SDK1: variants seen among roughly 807,000 people sequenced by gnomAD.
SDK1 encodes protein sidekick-1.
In SDK1, 157 loss-of-function variants were observed where a neutral mutation model predicts 245.5. That is an observed-to-expected ratio of 0.64 (90% CI 0.56 to 0.73). The LOEUF (loss-of-function observed/expected upper bound fraction) is 0.73, where lower values mean the gene tolerates loss of function less well. SDK1 is among the 30% of genes least tolerant of loss of function. The pLI is 0.00. For synonymous variants in SDK1, 1,647 were observed against 1,278.5 expected, an observed-to-expected ratio of 1.29 and a Z score of -6.15; for missense variants, 3,583 against 3,002.3, an observed-to-expected ratio of 1.19 and a Z score of -4.52.
intron 1 of SDK1, among the ~76,000 whole-genome samples, chr7:3,603,289 C>T (rs1255265813): frequency 6.1e-5 from 9 of 146,924 alleles, no homozygotes; most frequent in Non-Finnish European, 9.0e-5. Flanking sequence ...GCCATTTTCA[C>T]GATATTGATT....
chr7:3,390,395 C>A (rs113544041), intron 1 of SDK1, among the ~76,000 whole-genome samples: 1 of 152,130 alleles, frequency 6.6e-6, no homozygotes, highest in Non-Finnish European at 1.5e-5. Flanking sequence ...TTACAGTTAT[C>A]GAAGCCAATA....
chr7:3,497,879 C>G (rs1328315381), intron 1 of SDK1, among the ~76,000 whole-genome samples: 3 of 152,188 alleles, frequency 2.0e-5, no homozygotes, highest in South Asian at 2.1e-4. Context: ...CCCTGATGGA[C>G]TTTTCTCAGC....
At chr7:3,498,043 T>G (rs1183744593) in intron 1 of SDK1, among the ~76,000 whole-genome samples, 1 of 152,222 alleles carries the variant, frequency 6.6e-6, no homozygotes, top group Admixed American at 6.5e-5. Flanking sequence ...TTAAAGAAAC[T>G]AACACTCCAA....
intron 1 of SDK1, among the ~76,000 whole-genome samples, chr7:3,335,477 T>C (rs1437109963): frequency 6.6e-6 from 1 of 152,130 alleles, no homozygotes; most frequent in Non-Finnish European, 1.5e-5. Flanking sequence ...AGGAATGTTA[T>C]TTTGCTTCTT....
chr7:3,881,193 A>G lies in SDK1; in HGVS notation c.847+59610A>G, dbSNP rs368119697. 2.3e-3 allele frequency among the ~76,000 whole-genome samples: 347 copies of G among 152,194 alleles called. 6 individuals carry two copies. In the South Asian group the frequency reaches 0.029, roughly 13 times the overall value. On this transcript the variant is annotated intron_variant, in intron 5 of 44. Transcript: ENST00000404826. ...CCATGGTGGTTTGCTACACGAATCA[A>G]CCCACCACCTAGGTATTAAGCCCAG... is the stretch of plus-strand genomic sequence containing the variant.
intron 5 of SDK1, among the ~76,000 whole-genome samples, chr7:3,901,497 T>C (rs1256857225): frequency 6.6e-6 from 1 of 152,234 alleles, no homozygotes; most frequent in Non-Finnish European, 1.5e-5. Flanking sequence ...AATGACCCCA[T>C]GTCCTTGTCA....
Position 3,779,889 on chromosome 7 carries a change from A to C in SDK1, c.714-41561A>C, listed in dbSNP as rs112090831. Among the ~76,000 whole-genome samples, 4 of 146,908 alleles carry C rather than the reference A, an allele frequency of 2.7e-5. No homozygotes were observed. The East Asian group carries it at 8.3e-4, about 30-fold the overall frequency. The stretch of plus-strand genomic sequence containing the variant: ...GGAGCTTGCAGTGAGCCGAGATTGC[A>C]CCACTGCAGTCCGCAGTCCGGCCTG... On this transcript the variant is annotated intron_variant, in intron 4 of 44. Coordinates refer to ENST00000404826, the MANE Select transcript of SDK1 (RefSeq NM_152744.4).
At chr7:3,662,042 T>C (rs920852174) in intron 4 of SDK1, among the ~76,000 whole-genome samples, 1,151 of 12,874 alleles carry the variant, frequency 0.089, 14 homozygotes, top group African/African-American at 0.23. Flanking sequence ...AACGGTTGTA[T>C]TTTTTTTTTT....
chr7:3,466,458 G>C (rs1294357370), intron 1 of SDK1, among the ~76,000 whole-genome samples: 2 of 146,412 alleles, frequency 1.4e-5, no homozygotes, highest in Non-Finnish European at 3.0e-5. Context: ...TTTTTATCTA[G>C]TATGCGTCCT....
At position 3,899,871 on chromosome 7, in the gene SDK1, C is replaced by T. The variant is rs79803139; in HGVS notation, c.848-51052C>T. Among the ~76,000 whole-genome samples the T allele has an allele frequency of 2.9e-4, 44 of 152,350 alleles. No homozygotes were observed. In the South Asian group the frequency reaches 7.0e-3, roughly 24 times the overall value. ...TGAGAAGTGCTTTGTCCCTGCTTCC[C>T]GGACCTGGCACACAGCTCTGCTGCA... On this transcript the variant is annotated intron_variant, in intron 5 of 44. Transcript: ENST00000404826.
intron 31 of SDK1, among the ~76,000 whole-genome samples, chr7:4,158,778 A>G (rs543118759): frequency 1.3e-5 from 2 of 152,348 alleles, no homozygotes; most frequent in South Asian, 4.1e-4. Flanking sequence ...ATTGGCTTCT[A>G]AAGCCCCTAC....
At chr7:4,123,723 C>T (rs57982736) in intron 25 of SDK1, among the ~76,000 whole-genome samples, 143 of 152,360 alleles carry the variant, frequency 9.4e-4, no homozygotes, top group African/African-American at 3.3e-3. Flanking sequence ...CATTATCTCC[C>T]TCCAAAAATA....
Position 3,694,786 on chromosome 7 carries a change from A to T in SDK1, c.713+52681A>T, listed in dbSNP as rs530947183. ...TTTACAAACATCCCTGGTAATTCCTATCGTAAGTTTGTGAACCATTGCACT... is the reference window on the plus strand; with the variant it reads ...TTTACAAACATCCCTGGTAATTCCTTTCGTAAGTTTGTGAACCATTGCACT... On this transcript the variant is annotated intron_variant, in intron 4 of 44. Transcript: ENST00000404826. Among the ~76,000 whole-genome samples the T allele has an allele frequency of 2.2e-4, 33 of 152,298 alleles. No individual in the cohort carries two copies. In the South Asian group the frequency reaches 6.6e-3, roughly 31 times the overall value.
chr7:3,383,933 T>C (rs1432729848), intron 1 of SDK1, among the ~76,000 whole-genome samples: 2 of 152,206 alleles, frequency 1.3e-5, no homozygotes, highest in African/African-American at 4.8e-5. Context: ...CACAACACAT[T>C]CTTACATTTC....
At chr7:3,729,709 C>T (rs954352793) in intron 4 of SDK1, among the ~76,000 whole-genome samples, 2 of 152,152 alleles carry the variant, frequency 1.3e-5, no homozygotes, top group African/African-American at 4.8e-5. Flanking sequence ...GTCAGCTTCA[C>T]AATGAGTCTA....
At chr7:3,794,614 T>C (rs1778917413) in intron 4 of SDK1, among the ~76,000 whole-genome samples, 1 of 152,110 alleles carries the variant, frequency 6.6e-6, no homozygotes, top group Non-Finnish European at 1.5e-5. Flanking sequence ...TCAACCCCCT[T>C]GCCATGTCAG....
chr7:3,912,387 T>C (rs1210767232), intron 5 of SDK1, among the ~76,000 whole-genome samples: 5 of 152,254 alleles, frequency 3.3e-5, no homozygotes, highest in African/African-American at 1.2e-4. Flanking sequence ...TGGTGCACAG[T>C]AGGCACTCAG....
chr7:3,767,126 C>G (rs563436318), intron 4 of SDK1, among the ~76,000 whole-genome samples: 1 of 152,098 alleles, frequency 6.6e-6, no homozygotes, highest in African/African-American at 2.4e-5. Flanking sequence ...GGAGGAGATC[C>G]TTCTCTAAGG....
At chr7:3,543,597 C>T (rs1583146958) in intron 1 of SDK1, among the ~76,000 whole-genome samples, 1 of 152,228 alleles carries the variant, frequency 6.6e-6, no homozygotes, top group Non-Finnish European at 1.5e-5. Flanking sequence ...AGATGTCCAC[C>T]TGCTTACTTC....
Sources: gnomAD v4.1 joint callset for allele counts (sites outside exome capture counted in the v4.1 genomes callset) on GRCh38, gnomAD v4.1.1 for gene constraint, MANE v1.5 for transcripts, NCBI Gene and HGNC (gene_info 2026-07-23, HGNC 2026-07-21) for gene names.